The following TSPEAR variants were observed in gnomAD, a reference collection of about 807,000 sequenced individuals.
TSPEAR encodes the protein thrombospondin type laminin G domain and EAR repeats, also known as thrombospondin-type laminin G domain and EAR repeat-containing protein.
In TSPEAR, 69 loss-of-function variants were observed where a neutral mutation model predicts 71.6. The observed-to-expected ratio is 0.96, with a 90% CI of 0.79 to 1.18. The LOEUF is 1.18. Ranked by LOEUF, TSPEAR falls within the 50% of genes most tolerant of loss-of-function variation. TSPEAR has a pLI of 0.00. For missense variants in TSPEAR, 971 were observed against 894.9 expected (o/e 1.09, Z -1.09); for synonymous variants, 402 against 387.2 (o/e 1.04, Z -0.45).
chr21:44,533,832 A>G lies in TSPEAR; in HGVS notation c.395T>C (p.Phe132Ser), dbSNP rs1555916037. ...GGCGCCGGCCGTGTCCTCGCGAAGG[A>G]ACAGGAAGTGCAGCTGGGCAGGTGA... ...RLSPAQLHFL[F>S]LREDTAGAWQ... The change falls in exon 3 of 12, where the codon TTC becomes TCC. Residue 132 changes from phenylalanine (F) to serine (S), a missense_variant. Transcript: ENST00000323084. 1 of 1,612,484 alleles carries G rather than the reference A, an allele frequency of 6.2e-7. No individual in the cohort carries two copies. Among genetic ancestry groups the G allele is most frequent in the South Asian group, 1.1e-5 (1 of 91,070 alleles).
Position 44,685,862 on chromosome 21 carries a change from G to A in TSPEAR, c.82+25571C>T, listed in dbSNP as rs1206063534. Among the ~76,000 whole-genome samples the A allele has an allele frequency of 9.9e-5, 15 of 152,162 alleles. 1 individual carries two copies. The highest frequency in any genetic ancestry group is 1.9e-4 in the Non-Finnish European group (13 of 68,028). ...GCAAACCCTCTATGACTTACAAATTGCACATCTGTAAAATGGGGTATCAGC... is the reference window on the plus strand; with the variant it reads ...GCAAACCCTCTATGACTTACAAATTACACATCTGTAAAATGGGGTATCAGC... On this transcript the variant is annotated intron_variant, in intron 1 of 11. Transcript: ENST00000323084.
intron 1 of TSPEAR, chr21:44,592,587 C>A: frequency 6.6e-7 from 1 of 1,506,528 alleles, no homozygotes; most frequent in Non-Finnish European, 8.9e-7. Context: ...CCCACAGCTT[C>A]CCCTTCCGTG....
At chr21:44,694,108 A>G (rs1987230157) in intron 1 of TSPEAR, among the ~76,000 whole-genome samples, 1 of 152,254 alleles carries the variant, frequency 6.6e-6, no homozygotes, top group Non-Finnish European at 1.5e-5. Context: ...ATTTTCAACA[A>G]GAATGCCAAG....
intron 1 of TSPEAR, among the ~76,000 whole-genome samples, chr21:44,588,492 G>A (rs1313089940): frequency 1.3e-5 from 2 of 151,974 alleles, no homozygotes; most frequent in Admixed American, 6.5e-5. Context: ...ACTAAAAGTA[G>A]ATCCACCATT....
At chr21:44,654,933 C>G (rs1199562905) in intron 1 of TSPEAR, among the ~76,000 whole-genome samples, 1 of 152,096 alleles carries the variant, frequency 6.6e-6, no homozygotes, top group African/African-American at 2.4e-5. Context: ...GTTCAAGGTC[C>G]CCCCGTTGTA....
Position 44,509,694 on chromosome 21 carries a change from G to A in TSPEAR, c.1567-308C>T, listed in dbSNP as rs1232400765. ...GCCCGCTGTGCTCCAGGTGCCAGAC[G>A]TGGCACTCCTGCTGGCAGCCTCCTT... On this transcript the variant is annotated intron_variant, in intron 9 of 11. Coordinates refer to ENST00000323084, the MANE Select transcript of TSPEAR (RefSeq NM_144991.3). 3 of 357,882 alleles carry A rather than the reference G, an allele frequency of 8.4e-6. No homozygotes were observed. In the South Asian group the frequency reaches 9.9e-5, roughly 12 times the overall value. The allele number at this position is 357,882 out of a possible 1,614,324, so 22.2% of individuals were successfully genotyped here.
Position 44,527,328 on chromosome 21 carries a change from T to C in TSPEAR, c.1113A>G (p.Gln371=). ...FVSYQNIPTH[Q]AQAWRHFTIG... ...TGGTGAAATGCCTCCAGGCCTGTGCTTGGTGCGTGGGGATGTTCTGATATG... is the reference window on the plus strand; with the variant it reads ...TGGTGAAATGCCTCCAGGCCTGTGCCTGGTGCGTGGGGATGTTCTGATATG... Residue 371 remains glutamine, a synonymous_variant, in exon 7 of 12, where the codon CAA becomes CAG. Coordinates refer to ENST00000323084, the MANE Select transcript of TSPEAR (RefSeq NM_144991.3). The C allele has an allele frequency of 6.2e-7, 1 of 1,614,206 alleles. No individual in the cohort carries two copies. The highest frequency in any genetic ancestry group is 1.3e-5 in the African/African-American group (1 of 75,046).
At chr21:44,528,922 G>C (rs782353988) in intron 5 of TSPEAR, among the ~76,000 whole-genome samples, 63 of 152,304 alleles carry the variant, frequency 4.1e-4, no homozygotes, top group Non-Finnish European at 7.3e-4. Flanking sequence ...CCTCAGGAGG[G>C]AGTCCCTGTT....
At chr21:44,628,060 C>G (rs374277192) in intron 1 of TSPEAR, 47 of 1,604,938 alleles carry the variant, frequency 2.9e-5, no homozygotes, top group Non-Finnish European at 3.6e-5. Flanking sequence ...ACGGTCATGT[C>G]CCCCAGGGCC....
chr21:44,556,329 T>C (rs377275103), intron 2 of TSPEAR, among the ~76,000 whole-genome samples: 1 of 151,934 alleles, frequency 6.6e-6, no homozygotes, highest in African/African-American at 2.4e-5. Flanking sequence ...TGAGCGGAGA[T>C]TGCTCCACTG....
At chr21:44,545,366 G>C (rs1293183041) in intron 2 of TSPEAR, among the ~76,000 whole-genome samples, 1 of 151,574 alleles carries the variant, frequency 6.6e-6, no homozygotes, top group African/African-American at 2.4e-5. Context: ...GAATTAAATT[G>C]ACATTCAGTA....
chr21:44,568,524 G>A (rs1017918889), intron 1 of TSPEAR, among the ~76,000 whole-genome samples: 5 of 152,342 alleles, frequency 3.3e-5, no homozygotes, highest in East Asian at 3.9e-4. Context: ...CCCTCTGGGC[G>A]TGCCAGGGGA....
intron 1 of TSPEAR, among the ~76,000 whole-genome samples, chr21:44,701,177 T>C (rs1309009130): frequency 6.6e-6 from 1 of 152,234 alleles, no homozygotes; most frequent in African/African-American, 2.4e-5. Flanking sequence ...CCAGTGACGC[T>C]TCCATAGGGA....
At chr21:44,559,377 G>A (rs782133984) in intron 2 of TSPEAR, among the ~76,000 whole-genome samples, 2 of 152,220 alleles carry the variant, frequency 1.3e-5, no homozygotes, top group Non-Finnish European at 2.9e-5. Flanking sequence ...GGCTCGCAGA[G>A]GGGAGCAGGG....
chr21:44,640,902 C>A (rs910480627), intron 1 of TSPEAR, among the ~76,000 whole-genome samples: 1 of 152,164 alleles, frequency 6.6e-6, no homozygotes, highest in Non-Finnish European at 1.5e-5. Context: ...TGCCTGCAAC[C>A]AGCGGGAGAA....
chr21:44,683,285 T>C (rs1408104236), intron 1 of TSPEAR, among the ~76,000 whole-genome samples: 1 of 122,128 alleles, frequency 8.2e-6, no homozygotes, highest in Non-Finnish European at 1.8e-5. Context: ...CATTCTCCAG[T>C]AACTGACGGC....
At chr21:44,597,447 T>G (rs1980444744) in intron 1 of TSPEAR, among the ~76,000 whole-genome samples, 1 of 151,178 alleles carries the variant, frequency 6.6e-6, no homozygotes, top group East Asian at 1.9e-4. Context: ...CTTTTTTTTT[T>G]TTTTGATGGA....
chr21:44,589,421 C>A (rs1979600308), intron 1 of TSPEAR, among the ~76,000 whole-genome samples: 1 of 152,186 alleles, frequency 6.6e-6, no homozygotes, highest in Admixed American at 6.5e-5. Context: ...GTACACCAGT[C>A]TCTGGCTGCT....
At chr21:44,707,361 G>T (rs1023890079) in intron 1 of TSPEAR, among the ~76,000 whole-genome samples, 17 of 152,116 alleles carry the variant, frequency 1.1e-4, no homozygotes, top group African/African-American at 3.9e-4. Flanking sequence ...AGTGGCAGAG[G>T]CGGAGGCCGA....
Sources: allele counts gnomAD v4.1 joint callset (sites outside exome capture counted in the v4.1 genomes callset), GRCh38; gene constraint gnomAD v4.1.1; transcripts MANE v1.5; gene names NCBI Gene and HGNC (gene_info 2026-07-23, HGNC 2026-07-21).